Variants in TICRR observed in about 807,000 individuals in gnomAD.
TICRR encodes TOPBP1 interacting checkpoint and replication regulator.
In TICRR, 132 loss-of-function variants were observed where a neutral mutation model predicts 178.1. The observed-to-expected ratio is 0.74, with a 90% CI of 0.64 to 0.86. The LOEUF is 0.86. Among genes scored for constraint, TICRR ranks in the 40% least tolerant of loss-of-function variants. The pLI is 0.00. For synonymous variants in TICRR, 991 were observed against 900.7 expected, an observed-to-expected ratio of 1.10 and a Z score of -1.79; for missense variants, 2,587 against 2,334.3, an observed-to-expected ratio of 1.11 and a Z score of -2.23.
chr15:89,598,146 G>GTTTT (rs764483944), intron 7 of TICRR, among the ~76,000 whole-genome samples: 4 of 77,272 alleles, frequency 5.2e-5, no homozygotes, highest in Non-Finnish European at 1.5e-4. Flanking sequence ...TTGTTTGTTT[G>GTTTT]TTTTTTTTAG....
At position 89,624,480 on chromosome 15, in the gene TICRR, TCC is replaced by T. The variant is rs1440580572; in HGVS notation, c.4172_4173del (p.Pro1391GlnfsTer10). ...VGKRCRKTSD[P>X]RRSIVECQPD... ...GGAAACGGTGTAGAAAGACCTCTGA[TCC>T]CAGAAGGAGCATCGTGGAGTGTCAG... On this transcript the variant is annotated frameshift_variant, in exon 20 of 22. Coordinates refer to ENST00000268138, the MANE Select transcript of TICRR (RefSeq NM_152259.4). LOFTEE classifies it high-confidence loss of function. 1 of 1,614,082 alleles carries T rather than the reference TCC, an allele frequency of 6.2e-7. No homozygotes were observed. Among genetic ancestry groups the T allele is most frequent in the Non-Finnish European group, 8.5e-7 (1 of 1,180,014 alleles).
At chr15:89,590,364 C>G (rs140011787) in intron 4 of TICRR, among the ~76,000 whole-genome samples, 199 of 152,302 alleles carry the variant, frequency 1.3e-3, no homozygotes, top group African/African-American at 4.4e-3. Context: ...ACTGTCACTA[C>G]CTTACTTACC....
At chr15:89,590,662 C>T (rs1223734427) in intron 4 of TICRR, among the ~76,000 whole-genome samples, 1 of 152,210 alleles carries the variant, frequency 6.6e-6, no homozygotes, top group East Asian at 1.9e-4. Flanking sequence ...ATGAGACCTT[C>T]CTTGCCCATC....
At position 89,584,387 on chromosome 15, in the gene TICRR, G is replaced by A. The variant is rs531906123; in HGVS notation, c.1036G>A (p.Val346Met). The A allele has an allele frequency of 5.6e-6, 9 of 1,614,216 alleles. No individual in the cohort carries two copies. In the Admixed American group the frequency reaches 1.0e-4, roughly 18 times the overall value. Residue 346 changes from valine (V) to methionine (M), a missense_variant, in exon 3 of 22, where the codon GTG (valine) becomes ATG (methionine). Physicochemically the swap from Val to Met is conservative, Grantham distance 21. Transcript: ENST00000268138. ...AGTCAGAATTTTTCTAAAAGGCTCA[G>A]TGGCCCAGTGGTCTCTCCCAACGAG... Reference protein sequence around the residue: ...KPVRIFLKGSVAQWSLPTSST... With the variant: ...KPVRIFLKGSMAQWSLPTSST...
intron 18 of TICRR, 47 bp downstream of exon 18, chr15:89,619,889 G>A (rs1034214535): frequency 2.4e-5 from 37 of 1,552,206 alleles, no homozygotes; most frequent in Admixed American, 4.4e-5. Context: ...CTGACTTGGT[G>A]AGAAGTGTTT....
rs12148152 is a variant in TICRR, at chr15:89,617,873, A to G, written c.2961-279A>G. Among the ~76,000 whole-genome samples the G allele has an allele frequency of 0.53, 80,376 of 151,804 alleles. 21,578 individuals carry two copies. Among genetic ancestry groups the G allele is most frequent in the Non-Finnish European group, 0.58 (39,621 of 67,908 alleles). ...CGCCCAGCTAATTTTTGTATTTTTA[A>G]TAGAGTCGGGGTTTCACCATATTGG... On this transcript the variant is annotated intron_variant, in intron 16 of 21. Coordinates refer to ENST00000268138, the MANE Select transcript of TICRR (RefSeq NM_152259.4).
chr15:89,585,757 T>G lies in TICRR; in HGVS notation c.1226T>G (p.Ile409Ser), dbSNP rs1446540530. The stretch of plus-strand genomic sequence containing the variant: ...GGCCGGCCCCCCATCACTGGAGTTA[T>G]TTCCCCACTCTCTGCCAGTGCTATG... Reference protein sequence around the residue: ...GEGRPPITGVISPLSASAMIL... With the variant: ...GEGRPPITGVSSPLSASAMIL... Residue 409 changes from isoleucine to serine, a missense_variant, in exon 4 of 22, where the codon ATT (isoleucine) becomes AGT (serine). By Grantham distance (142) the Ile-to-Ser change is moderately radical. Coordinates refer to ENST00000268138, the MANE Select transcript of TICRR (RefSeq NM_152259.4). 1.4e-5 allele frequency: 22 copies of G among 1,614,024 alleles called. No homozygotes were observed. The highest frequency in any genetic ancestry group is 1.9e-5 in the Non-Finnish European group (22 of 1,180,016).
At chr15:89,622,133 C>G (rs1963437281) in intron 19 of TICRR, among the ~76,000 whole-genome samples, 2 of 152,016 alleles carry the variant, frequency 1.3e-5, no homozygotes, top group East Asian at 1.9e-4. Context: ...TTACAGGCAC[C>G]CACCACAACG....
At chr15:89,581,349 T>C (rs1234018025) in intron 1 of TICRR, among the ~76,000 whole-genome samples, 1 of 152,222 alleles carries the variant, frequency 6.6e-6, no homozygotes, top group Non-Finnish European at 1.5e-5. Flanking sequence ...TTTATGTTGG[T>C]ACTGTTTTAT....
At chr15:89,616,622 A>G (rs746323492) in intron 16 of TICRR, 127 bp downstream of exon 16, 30 of 688,786 alleles carry the variant, frequency 4.4e-5, no homozygotes, top group Non-Finnish European at 7.5e-5. Flanking sequence ...AAAACCAAAG[A>G]GCATTCTATA....
At chr15:89,619,525 G>A (rs575409192) in intron 17 of TICRR, among the ~76,000 whole-genome samples, 183 bp from the exon 18 acceptor site, 1 of 152,180 alleles carries the variant, frequency 6.6e-6, no homozygotes, top group South Asian at 2.1e-4. Context: ...ACCTTGTTGG[G>A]ACCATGTATC....
Position 89,602,873 on chromosome 15 carries a change from C to T in TICRR, c.2645C>T (p.Ser882Leu). The T allele has an allele frequency of 6.6e-7, 1 of 1,523,372 alleles. No individual in the cohort carries two copies. The highest frequency in any genetic ancestry group is 8.8e-7 in the Non-Finnish European group (1 of 1,135,508). The allele number at this position is 1,523,372 out of a possible 1,614,324, so 94.4% of individuals were successfully genotyped here. A position where few individuals can be genotyped will look rare whatever the true frequency, so the allele number is the denominator to read the frequency against. ...NLRQIEIPKV[S>L]KRATKKENSH... ...CGACAAATTGAAATTCCTAAAGTGT[C>T]AAAGAGAGCTACGAAAAAAGTAAGT... is the stretch of plus-strand genomic sequence containing the variant. Residue 882 changes from serine to leucine, a missense_variant, in exon 13 of 22, where the codon TCA becomes TTA. Physicochemically the swap from Ser to Leu is moderately radical, Grantham distance 145. Transcript: ENST00000268138.
At chr15:89,598,908 G>A (rs12913027) in intron 7 of TICRR, among the ~76,000 whole-genome samples, 125,548 of 151,964 alleles carry the variant, frequency 0.83, 52,640 homozygotes, top group Non-Finnish European at 0.92. Context: ...TCCAGAGGCT[G>A]AGGTGGGAAG....
rs1253384609 is a variant in TICRR, at chr15:89,594,426, C to G, written c.1553C>G (p.Ala518Gly). The G allele has an allele frequency of 6.2e-7, 1 of 1,611,484 alleles. No individual in the cohort carries two copies. The highest frequency in any genetic ancestry group is 8.5e-7 in the Non-Finnish European group (1 of 1,178,866). Residue 518 changes from alanine (A) to glycine (G), a missense_variant, in exon 6 of 22, where the codon GCT (alanine) becomes GGT (glycine). Ala to Gly is a moderately conservative substitution (Grantham distance 60, BLOSUM62 0). Coordinates refer to ENST00000268138, the MANE Select transcript of TICRR (RefSeq NM_152259.4). ...TCTTGACTTCACAGGTTACTACAGG[C>G]TGCCTCAGCTAATAAGGAAGAGTCT... The part of the protein sequence containing the change: ...DLMESFGLLQ[A>G]ASANKEESSK...
chr15:89,606,963 A>T (rs182158897), intron 14 of TICRR, 138 bp downstream of exon 14: 1 of 619,554 alleles, frequency 1.6e-6, no homozygotes, highest in East Asian at 2.8e-5. Flanking sequence ...TCCAAATACC[A>T]TGGACATAGT....
At position 89,623,792 on chromosome 15, in the gene TICRR, C is replaced by G. The variant is rs764841038; in HGVS notation, c.3482C>G (p.Ser1161Cys). The G allele has an allele frequency of 6.2e-6, 10 of 1,613,974 alleles. No homozygotes were observed. In the East Asian group the frequency reaches 2.2e-4, roughly 36 times the overall value. Residue 1161 changes from serine (S) to cysteine (C), a missense_variant, in exon 20 of 22, where the codon TCC (serine) becomes TGC (cysteine). Transcript: ENST00000268138. ...AAFKESLKDS[S>C]SPGHDSPLDS... Reference sequence around the variant, plus strand: ...TTTAAGGAGTCCTTAAAAGACTCCTCCTCACCCGGCCATGACTCACCATTG... The same window carrying G: ...TTTAAGGAGTCCTTAAAAGACTCCTGCTCACCCGGCCATGACTCACCATTG...
At chr15:89,583,042 T>A (rs1404963214) in intron 2 of TICRR, 77 bp downstream of exon 2, 11 of 1,430,040 alleles carry the variant, frequency 7.7e-6, no homozygotes, top group Non-Finnish European at 1.0e-5. Context: ...GCTTTTAACT[T>A]CTTTGGCATT....
At position 89,603,117 on chromosome 15, in the gene TICRR, A is replaced by G. The variant is rs149215892; in HGVS notation, c.2664+225A>G. ...AGAGGTAATGTGAAGAAAAATGGCA[A>G]GTAAAAGTTAGGAATGAATTAATTC... On this transcript the variant is annotated intron_variant, in intron 13 of 21. Transcript: ENST00000268138. 4.6e-3 allele frequency among the ~76,000 whole-genome samples: 705 copies of G among 152,318 alleles called. 9 individuals carry two copies. The highest frequency in any genetic ancestry group is 0.016 in the African/African-American group (674 of 41,558).
intron 1 of TICRR, among the ~76,000 whole-genome samples, chr15:89,580,498 C>T (rs1962704592): frequency 6.6e-6 from 1 of 152,178 alleles, no homozygotes; most frequent in South Asian, 2.1e-4. Flanking sequence ...GCAGTGAACA[C>T]AGATATAGAT....
Sources: allele counts gnomAD v4.1 joint callset (sites outside exome capture counted in the v4.1 genomes callset), GRCh38; gene constraint gnomAD v4.1.1; transcripts MANE v1.5; gene names NCBI Gene and HGNC (gene_info 2026-07-23, HGNC 2026-07-21).